BUD31: variants seen among roughly 807,000 people sequenced by gnomAD.
The protein encoded by BUD31 is BUD31 spliceosome associated protein, also known as protein BUD31 homolog.
BUD31 carries 9 observed loss-of-function variants against 17.9 expected under a neutral mutation model. The ratio of observed to expected loss-of-function variants is 0.50; its 90% CI spans 0.30 to 0.88. BUD31 has a LOEUF of 0.88. Among genes scored for constraint, BUD31 ranks in the 40% least tolerant of loss-of-function variants. The pLI is 0.06. For missense variants in BUD31, 148 were observed against 184.5 expected (o/e 0.80, Z 1.15); for synonymous variants, 70 against 64.7 (o/e 1.08, Z -0.39).
chr7:99,411,620 C>T (rs979589613), intron 3 of BUD31: 25 of 448,968 alleles, frequency 5.6e-5, no homozygotes, highest in Non-Finnish European at 1.1e-4. Context: ...AACCCGTGTC[C>T]TATGCTGTCT....
Position 99,411,209 on chromosome 7 carries a change from G to A in BUD31, c.94+23G>A, listed in dbSNP as rs113401319. On this transcript the variant is annotated intron_variant, in intron 3 of 5. Transcript: ENST00000222969. ...AAGGTGAGTAGGGGAGTTCCTGTCT[G>A]GGTGGGCTGGGTCCAAGGGTCACAG... 1,715 of 1,596,062 alleles carry A rather than the reference G, an allele frequency of 1.1e-3. 12 individuals are homozygous for A. Among genetic ancestry groups the A allele is most frequent in the African/African-American group, 0.01 (760 of 74,630 alleles).
At chr7:99,419,344 G>C in intron 5 of BUD31, 47 bp from the exon 6 acceptor site, 1 of 1,606,936 alleles carries the variant, frequency 6.2e-7, no homozygotes. Context: ...GTGTGCAGGG[G>C]CGAGCGTGGC....
At chr7:99,409,913 A>AT (rs1407372549) in intron 1 of BUD31, 121 bp from the exon 2 acceptor site, 23 of 152,008 alleles carry the variant, frequency 1.5e-4, no homozygotes, top group African/African-American at 5.6e-4. Context: ...GGTTTGAAAA[A>AT]CGCTTTGCTA....
chr7:99,416,717 CTTTT>C lies in BUD31; in HGVS notation c.217+475_217+478del, dbSNP rs59301509. 71 of 98,916 alleles carry C rather than the reference CTTTT, an allele frequency of 7.2e-4. 1 individual carries two copies. The highest frequency in any genetic ancestry group is 1.9e-3 in the South Asian group (6 of 3,126). The allele number at this position is 98,916 out of a possible 1,614,324, so 6.1% of individuals were successfully genotyped here. A position where few individuals can be genotyped will look rare whatever the true frequency, so the allele number is the denominator to read the frequency against. ...TATAGGCGTGGTCCACCGCTCTTGG[CTTTT>C]TTTTTTTTTTTTTTTTTGAAACAGG... On this transcript the variant is annotated intron_variant, in intron 4 of 5. Coordinates refer to ENST00000222969, the MANE Select transcript of BUD31 (RefSeq NM_003910.4).
At chr7:99,416,103 C>T in intron 3 of BUD31, 35 bp from the exon 4 acceptor site, 1 of 1,609,832 alleles carries the variant, frequency 6.2e-7, no homozygotes, top group Non-Finnish European at 8.5e-7. Flanking sequence ...CAGACCGACC[C>T]TATTCCCCCA....
intron 3 of BUD31, among the ~76,000 whole-genome samples, chr7:99,414,533 A>G (rs1042728077): frequency 1.1e-4 from 16 of 152,214 alleles, no homozygotes; most frequent in African/African-American, 3.9e-4. Flanking sequence ...GACCATTGCC[A>G]CAGTTAGTTT....
chr7:99,416,122 C>A lies in BUD31; in HGVS notation c.95-16C>A, dbSNP rs761043918. The stretch of plus-strand genomic sequence containing the variant: ...CCGACCCTATTCCCCCAAACACACT[C>A]TTTGTTTCTCCCCAGCTGAAACAGA... On this transcript the variant is annotated splice_polypyrimidine_tract_variant and intron_variant, in intron 3 of 5. Transcript: ENST00000222969. The A allele has an allele frequency of 2.3e-5, 37 of 1,612,662 alleles. No homozygotes were observed. Among genetic ancestry groups the A allele is most frequent in the Non-Finnish European group, 2.9e-5 (34 of 1,179,014 alleles).
intron 3 of BUD31, 112 bp downstream of exon 3, chr7:99,411,298 T>G: frequency 1.4e-6 from 1 of 726,784 alleles, no homozygotes; most frequent in Non-Finnish European, 2.3e-6. Context: ...CTACTAACAC[T>G]GACATGTTGT....
At chr7:99,415,440 A>G (rs528196444) in intron 3 of BUD31, among the ~76,000 whole-genome samples, 1 of 152,306 alleles carries the variant, frequency 6.6e-6, no homozygotes, top group African/African-American at 2.4e-5. Context: ...AGGATGGAAC[A>G]TGAAGGCGGA....
At chr7:99,417,149 T>A in intron 4 of BUD31, 1 of 351,518 alleles carries the variant, frequency 2.8e-6, no homozygotes, top group South Asian at 2.4e-5. Context: ...CTCCGCCTCC[T>A]GGGTTCAAGT....
chr7:99,413,957 A>G (rs959844926), intron 3 of BUD31, among the ~76,000 whole-genome samples: 1 of 152,218 alleles, frequency 6.6e-6, no homozygotes, highest in African/African-American at 2.4e-5. Flanking sequence ...CTAATTCTGT[A>G]ATTAAAAAGA....
chr7:99,416,995 C>T (rs1053382926), intron 4 of BUD31: 7 of 170,674 alleles, frequency 4.1e-5, no homozygotes, highest in Non-Finnish European at 6.4e-5. Context: ...GTGTGAGGCA[C>T]CTTGCCTGGC....
At chr7:99,416,103 C>CT in intron 3 of BUD31, 35 bp from the exon 4 acceptor site, 1 of 1,609,832 alleles carries the variant, frequency 6.2e-7, no homozygotes, top group South Asian at 1.1e-5. Flanking sequence ...CAGACCGACC[C>CT]TATTCCCCCA....
At chr7:99,415,984 C>T (rs13228167) in intron 3 of BUD31, 154 bp from the exon 4 acceptor site, 11 of 893,376 alleles carry the variant, frequency 1.2e-5, no homozygotes, top group Admixed American at 2.8e-5. Context: ...CTCGTGCCCT[C>T]GGTTTCTTGC....
chr7:99,417,455 G>A lies in BUD31; in HGVS notation c.244G>A (p.Gly82Ser), dbSNP rs759355279. The A allele has an allele frequency of 1.2e-6, 2 of 1,613,646 alleles. No individual in the cohort carries two copies. Among genetic ancestry groups the A allele is most frequent in the Non-Finnish European group, 1.7e-6 (2 of 1,179,846 alleles). ...RELYEYCIKE[G>S]YADKNLIAKW... ...ACTCTATGAATATTGTATTAAAGAA[G>A]GCTATGCAGACAAAAACCTGATTGC... Residue 82 changes from glycine (G) to serine (S), a missense_variant, in exon 5 of 6, where the codon GGC becomes AGC. Transcript: ENST00000222969.
chr7:99,416,012 T>A, intron 3 of BUD31, 126 bp from the exon 4 acceptor site: 1 of 1,362,328 alleles, frequency 7.3e-7, no homozygotes, highest in East Asian at 2.4e-5. Flanking sequence ...CCTGGGTGGC[T>A]TGCCACCCAC....
intron 3 of BUD31, among the ~76,000 whole-genome samples, chr7:99,415,549 G>A (rs764148269): frequency 3.9e-5 from 6 of 152,042 alleles, no homozygotes; most frequent in Non-Finnish European, 5.9e-5. Flanking sequence ...TCCACAAGAG[G>A]TGGAGGAGTA....
rs1795116632 is a variant in BUD31 at position 99,410,078 on chromosome 7, T to G, written c.-121T>G. ...GGAAGGTGACCTGAAAGTCACAGAA[T>G]AATTTTTTAGAGCTGAACAAGAATC... On this transcript the variant is annotated 5_prime_UTR_variant, in exon 2 of 6. Transcript: ENST00000222969. 6.6e-6 allele frequency: 1 copy of G among 152,184 alleles called. No individual in the cohort carries two copies. Among genetic ancestry groups the G allele is most frequent in the African/African-American group, 2.4e-5 (1 of 41,434 alleles). 9.4% of individuals were successfully genotyped at this position (152,184 alleles called of 1,614,324 possible).
chr7:99,415,581 G>T (rs1007908671), intron 3 of BUD31, among the ~76,000 whole-genome samples: 1 of 151,804 alleles, frequency 6.6e-6, no homozygotes, highest in Admixed American at 6.6e-5. Flanking sequence ...AAACTCCCCC[G>T]GGGAAAGGGA....
Sources: allele counts gnomAD v4.1 joint callset (sites outside exome capture counted in the v4.1 genomes callset), GRCh38; gene constraint gnomAD v4.1.1; transcripts MANE v1.5; gene names NCBI Gene and HGNC (gene_info 2026-07-23, HGNC 2026-07-21).